The following CPNE5 variants were observed in gnomAD, a reference collection of about 807,000 sequenced individuals.
CPNE5 encodes the protein copine 5, also known as copine-5.
Under a neutral mutation model 81.1 loss-of-function variants are expected in CPNE5, and 42 were observed. The ratio of observed to expected loss-of-function variants is 0.52; its 90% confidence interval spans 0.40 to 0.67. The LOEUF (loss-of-function observed/expected upper bound fraction) is 0.67. Ranked by LOEUF, CPNE5 falls within the 30% of genes least tolerant of loss-of-function variation. CPNE5 has a pLI of 0.00. For missense variants in CPNE5, 612 were observed against 815.5 expected (o/e 0.75, Z 3.04); for synonymous variants, 313 against 321.5 (o/e 0.97, Z 0.28).
chr6:36,826,152 G>C (rs1772484992), intron 1 of CPNE5, among the ~76,000 whole-genome samples: 1 of 152,188 alleles, frequency 6.6e-6, no homozygotes, highest in Admixed American at 6.5e-5. Flanking sequence ...GTGTTTGCGT[G>C]TGTGCATGCG....
At chr6:36,775,265 G>T (rs1477942912) in intron 9 of CPNE5, among the ~76,000 whole-genome samples, 200 bp from the exon 10 acceptor site, 1 of 152,202 alleles carries the variant, frequency 6.6e-6, no homozygotes, top group African/African-American at 2.4e-5. Context: ...CTGCAGAAAG[G>T]GTTCCTGTAC....
intron 3 of CPNE5, among the ~76,000 whole-genome samples, chr6:36,810,102 TC>T (rs1199266611): frequency 6.6e-6 from 1 of 151,944 alleles, no homozygotes; most frequent in Non-Finnish European, 1.5e-5. Context: ...AGGCAGAGCA[TC>T]CCTGGTGCTC....
At chr6:36,798,092 C>G (rs1769757838) in intron 6 of CPNE5, 73 bp downstream of exon 6, 8 of 1,193,754 alleles carry the variant, frequency 6.7e-6, no homozygotes, top group Non-Finnish European at 9.8e-6. Context: ...TGCTTTGTCC[C>G]CATCCTGAGC....
intron 10 of CPNE5, among the ~76,000 whole-genome samples, chr6:36,773,677 C>A (rs2150446682): frequency 1.3e-5 from 2 of 152,198 alleles, no homozygotes; most frequent in South Asian, 4.1e-4. Context: ...CATTTTAATA[C>A]CCATTTTACA....
At chr6:36,752,442 A>G (rs969551304) in intron 14 of CPNE5, 2 of 152,444 alleles carry the variant, frequency 1.3e-5, no homozygotes, top group African/African-American at 4.8e-5. Context: ...CCCCAGGACC[A>G]ATCCCTGGCT....
At chr6:36,760,217 T>TA (rs3046065) in intron 12 of CPNE5, among the ~76,000 whole-genome samples, 5,899 of 138,352 alleles carry the variant, frequency 0.043, 310 homozygotes, top group African/African-American at 0.12. Flanking sequence ...GACTCCATCT[T>TA]AAAAAAAAAA....
At position 36,798,503 on chromosome 6, in the gene CPNE5, A is replaced by G. The variant is rs1178071172; in HGVS notation, c.288-9T>C. On this transcript the variant is annotated splice_polypyrimidine_tract_variant and intron_variant, in intron 4 of 20. Transcript: ENST00000244751. ...TAGAGTCAACGTCGTATCTGCAGGG[A>G]ACACAGAGAAACGATGAAGGCAGCT... The G allele has an allele frequency of 6.2e-7, 1 of 1,613,946 alleles. No homozygotes were observed. The highest frequency in any genetic ancestry group is 1.7e-5 in the Admixed American group (1 of 60,024).
At chr6:36,820,199 C>T (rs374042924) in intron 3 of CPNE5, among the ~76,000 whole-genome samples, 3 of 152,278 alleles carry the variant, frequency 2.0e-5, no homozygotes, top group African/African-American at 7.2e-5. Flanking sequence ...TCCCCTTCCC[C>T]GCTTTCCTCT....
At position 36,745,152 on chromosome 6, in the gene CPNE5, T is replaced by A. The variant is rs1455572091; in HGVS notation, c.1329-2A>T. 6.2e-7 allele frequency: 1 copy of A among 1,611,916 alleles called. No individual in the cohort carries two copies. The highest frequency in any genetic ancestry group is 8.5e-7 in the Non-Finnish European group (1 of 1,178,412). ...CCATCCTGCACGGCCGCTGCATTCC[T>A]GGGTGGGGCAGGTGTGGGCTCAGGT... On this transcript the variant is annotated splice_acceptor_variant, in intron 17 of 20. Transcript: ENST00000244751. LOFTEE classifies it high-confidence loss of function.
intron 3 of CPNE5, among the ~76,000 whole-genome samples, chr6:36,808,746 C>T (rs936798414): frequency 1.5e-4 from 23 of 152,204 alleles, no homozygotes; most frequent in African/African-American, 4.6e-4. Context: ...AGCCCTACTG[C>T]GTGCCACGCA....
At chr6:36,771,463 G>A (rs1767028402) in intron 10 of CPNE5, among the ~76,000 whole-genome samples, 1 of 152,194 alleles carries the variant, frequency 6.6e-6, no homozygotes. Flanking sequence ...TAATTGTTGG[G>A]GGGATTAAAT....
Position 36,757,454 on chromosome 6 carries a change from T to A in CPNE5, c.856-1156A>T, listed in dbSNP as rs114145763. The A allele has an allele frequency of 4.4e-4, 365 of 820,472 alleles. 1 individual carries two copies. In the African/African-American group the frequency reaches 6.5e-3, roughly 15 times the overall value. The allele number at this position is 820,472 out of a possible 1,614,324, so 50.8% of individuals were successfully genotyped here. A position where few individuals can be genotyped will look rare whatever the true frequency, so the allele number is the denominator to read the frequency against. ...GCACAGCGACACCAGGTGATTTGCC[T>A]AAAGTCACACAGCCATCTGGGTAGT... On this transcript the variant is annotated intron_variant, in intron 12 of 20. Transcript: ENST00000244751.
chr6:36,831,841 C>T (rs143068599), intron 1 of CPNE5, among the ~76,000 whole-genome samples: 2 of 152,250 alleles, frequency 1.3e-5, no homozygotes, highest in African/African-American at 2.4e-5. Flanking sequence ...GTGGACAGGA[C>T]CAGTATTTTC....
At chr6:36,837,687 C>T (rs894281423) in intron 1 of CPNE5, among the ~76,000 whole-genome samples, 1 of 152,044 alleles carries the variant, frequency 6.6e-6, no homozygotes, top group Non-Finnish European at 1.5e-5. Context: ...TGAGGCCAGG[C>T]TTTTCAGGAG....
chr6:36,827,708 C>A (rs561315395), intron 1 of CPNE5: 2 of 985,264 alleles, frequency 2.0e-6, no homozygotes, highest in African/African-American at 3.5e-5. Flanking sequence ...GAGTCACTTG[C>A]CCACAAGCAC....
In CPNE5 at chr6:36,745,456, G is replaced by A; in HGVS notation, c.1260C>T (p.His420=). 1 of 1,603,724 alleles carries A rather than the reference G, an allele frequency of 6.2e-7. No homozygotes were observed. Among genetic ancestry groups the A allele is most frequent in the Non-Finnish European group, 8.5e-7 (1 of 1,175,876 alleles). Residue 420 remains histidine (H), a synonymous_variant, in exon 17 of 21, where the codon CAC becomes CAT. Transcript: ENST00000244751. The part of the protein sequence containing the change: ...CGIDGILEAY[H]RSLRTVQLYG... ...ACAGCTGCACAGTGCGCAGGCTGCG[G>A]TGGTAGGCCTCCAGGATGCCGTCGA...
intron 11 of CPNE5, 99 bp downstream of exon 11, chr6:36,765,235 GC>G: frequency 3.7e-6 from 5 of 1,338,424 alleles, no homozygotes; most frequent in Non-Finnish European, 5.2e-6. Context: ...CAGAGCCACT[GC>G]GGGGGGGAGC....
chr6:36,831,923 G>A lies in CPNE5; in HGVS notation c.95+7360C>T, dbSNP rs146143000. ...CTGGCCAGGATCCCAGAGAAGATAA[G>A]CCAGGAGTGGCACTGACTTTCAGTG... On this transcript the variant is annotated intron_variant, in intron 1 of 20. Coordinates refer to ENST00000244751, the MANE Select transcript of CPNE5 (RefSeq NM_020939.2). 4.6e-5 allele frequency among the ~76,000 whole-genome samples: 7 copies of A among 152,298 alleles called. No individual in the cohort carries two copies. In the East Asian group the frequency reaches 1.4e-3, roughly 29 times the overall value.
chr6:36,788,025 C>T (rs1768729090), intron 8 of CPNE5, among the ~76,000 whole-genome samples: 1 of 150,862 alleles, frequency 6.6e-6, no homozygotes, highest in African/African-American at 2.5e-5. Context: ...ACAACAACCC[C>T]TACCTTTTCT....
Sources: gnomAD v4.1 joint callset for allele counts (sites outside exome capture counted in the v4.1 genomes callset) on GRCh38, gnomAD v4.1.1 for gene constraint, MANE v1.5 for transcripts, NCBI Gene and HGNC (gene_info 2026-07-23, HGNC 2026-07-21) for gene names.